Variants in CCDC148 observed in about 807,000 individuals in gnomAD.
CCDC148 encodes coiled-coil domain-containing protein 148.
CCDC148 carries 89 observed loss-of-function variants against 85.7 expected under a neutral mutation model. The observed-to-expected ratio is 1.04, with a 90% CI of 0.87 to 1.24. The LOEUF is 1.24. Ranked by LOEUF, CCDC148 falls within the 50% of genes most tolerant of loss-of-function variation. The probability of loss-of-function intolerance (pLI) is 0.00; values close to 1 mark genes in which losing one functional copy is unlikely to be tolerated. For missense variants in CCDC148, 692 were observed against 671.7 expected (o/e 1.03, Z -0.33); for synonymous variants, 230 against 213.9 (o/e 1.08, Z -0.66).
intron 11 of CCDC148, among the ~76,000 whole-genome samples, chr2:158,186,872 G>C (rs2105268934): frequency 6.6e-6 from 1 of 152,040 alleles, no homozygotes; most frequent in Non-Finnish European, 1.5e-5. Flanking sequence ...TCTCTCCCCA[G>C]CTTTGGAGCC....
At chr2:158,395,074 T>TA (rs36118598) in intron 1 of CCDC148, among the ~76,000 whole-genome samples, 1 of 151,948 alleles carries the variant, frequency 6.6e-6, no homozygotes, top group Non-Finnish European at 1.5e-5. Context: ...TTTAGAAACA[T>TA]AAAAAATATT....
At chr2:158,451,869 GC>G (rs1435833016) in intron 1 of CCDC148, among the ~76,000 whole-genome samples, 2 of 151,960 alleles carry the variant, frequency 1.3e-5, no homozygotes, top group African/African-American at 4.8e-5. Flanking sequence ...TAAAATATTT[GC>G]ATAATTTGTA....
intron 1 of CCDC148, among the ~76,000 whole-genome samples, chr2:158,413,159 T>A (rs1227284906): frequency 1.3e-5 from 2 of 152,118 alleles, no homozygotes; most frequent in African/African-American, 4.8e-5. Flanking sequence ...ATCCCTAAAG[T>A]ATTAAGAAAT....
chr2:158,364,041 G>C (rs113643836), intron 1 of CCDC148, among the ~76,000 whole-genome samples: 25,618 of 150,992 alleles, frequency 0.17, 3,091 homozygotes, highest in African/African-American at 0.38. Flanking sequence ...GCCAAATCAT[G>C]AGTGAACTCC....
At chr2:158,263,863 G>T (rs1689342442) in intron 9 of CCDC148, among the ~76,000 whole-genome samples, 1 of 151,640 alleles carries the variant, frequency 6.6e-6, no homozygotes, top group Non-Finnish European at 1.5e-5. Context: ...GCAGGGGAAG[G>T]TGAAAAATGT....
chr2:158,370,230 G>A (rs1436743057), intron 1 of CCDC148, among the ~76,000 whole-genome samples: 1 of 151,994 alleles, frequency 6.6e-6, no homozygotes, highest in Non-Finnish European at 1.5e-5. Context: ...CATACGTGCA[G>A]CACATATTTA....
intron 9 of CCDC148, among the ~76,000 whole-genome samples, chr2:158,262,852 C>G (rs551770677): frequency 6.6e-6 from 1 of 151,956 alleles, no homozygotes; most frequent in Admixed American, 6.6e-5. Flanking sequence ...CAGAGACAAA[C>G]CATATGAACC....
At chr2:158,243,595 A>C (rs1688442000) in intron 10 of CCDC148, among the ~76,000 whole-genome samples, 1 of 152,138 alleles carries the variant, frequency 6.6e-6, no homozygotes, top group South Asian at 2.1e-4. Context: ...TGCTAGTTTG[A>C]AAAGATCCAT....
At chr2:158,200,389 T>C (rs1415801751) in intron 11 of CCDC148, among the ~76,000 whole-genome samples, 2 of 152,196 alleles carry the variant, frequency 1.3e-5, no homozygotes, top group African/African-American at 4.8e-5. Flanking sequence ...GTAAGTTGGG[T>C]CTTGAACAGG....
At chr2:158,382,987 TA>T (rs1426573549) in intron 1 of CCDC148, among the ~76,000 whole-genome samples, 4 of 151,204 alleles carry the variant, frequency 2.6e-5, no homozygotes, top group Non-Finnish European at 5.9e-5. Context: ...GTTTTACACG[TA>T]AAAAAGTTGC....
At chr2:158,314,961 T>A (rs1342562953) in intron 7 of CCDC148, among the ~76,000 whole-genome samples, 1 of 152,162 alleles carries the variant, frequency 6.6e-6, no homozygotes, top group Non-Finnish European at 1.5e-5. Flanking sequence ...GGAATTCCAA[T>A]GTTCTCATAC....
chr2:158,239,431 C>G (rs1440437994), intron 10 of CCDC148, among the ~76,000 whole-genome samples: 4 of 151,720 alleles, frequency 2.6e-5, no homozygotes, highest in Admixed American at 2.0e-4. Context: ...TACAAGACAG[C>G]TGAAACCAGA....
At chr2:158,444,117 T>G (rs1688061089) in intron 1 of CCDC148, among the ~76,000 whole-genome samples, 1 of 152,196 alleles carries the variant, frequency 6.6e-6, no homozygotes, top group South Asian at 2.1e-4. Flanking sequence ...AACTGCACAT[T>G]TTTTTCTTCT....
intron 12 of CCDC148, among the ~76,000 whole-genome samples, chr2:158,178,389 A>T (rs965994524): frequency 2.0e-5 from 3 of 152,164 alleles, no homozygotes; most frequent in African/African-American, 7.2e-5. Flanking sequence ...ACTTTTGCTT[A>T]CTTTCACTAG....
chr2:158,387,877 C>A (rs909610086), intron 1 of CCDC148, among the ~76,000 whole-genome samples: 1 of 152,160 alleles, frequency 6.6e-6, no homozygotes, highest in Non-Finnish European at 1.5e-5. Context: ...GGTCTCTGAC[C>A]CAGTGAAGGT....
At chr2:158,370,656 G>A (rs912047816) in intron 1 of CCDC148, among the ~76,000 whole-genome samples, 4 of 151,608 alleles carry the variant, frequency 2.6e-5, no homozygotes, top group African/African-American at 9.7e-5. Flanking sequence ...TGTAGTTTGT[G>A]TAAGATAAAT....
chr2:158,325,050 T>A (rs1287530521), intron 7 of CCDC148, among the ~76,000 whole-genome samples: 1 of 150,484 alleles, frequency 6.6e-6, no homozygotes, highest in Non-Finnish European at 1.5e-5. Flanking sequence ...ACTAGATTAC[T>A]CTTACTAGCA....
intron 1 of CCDC148, among the ~76,000 whole-genome samples, chr2:158,442,219 C>T (rs72927518): frequency 0.17 from 25,363 of 152,050 alleles, 2,284 homozygotes; most frequent in Middle Eastern, 0.22. Flanking sequence ...ATCTATTTTG[C>T]GGTTTGAAAG....
At chr2:158,358,652 G>C (rs1683784395) in intron 1 of CCDC148, 82 bp from the exon 2 acceptor site, 1 of 840,038 alleles carries the variant, frequency 1.2e-6, no homozygotes, top group Non-Finnish European at 1.7e-6. Context: ...GCAACATGTT[G>C]ACTTCAGATC....
Sources: allele counts gnomAD v4.1 joint callset (sites outside exome capture counted in the v4.1 genomes callset), GRCh38; gene constraint gnomAD v4.1.1; transcripts MANE v1.5; gene names NCBI Gene and HGNC (gene_info 2026-07-23, HGNC 2026-07-21).